The following SCIN variants were observed in gnomAD, a reference collection of about 807,000 sequenced individuals.
SCIN encodes the protein adseverin.
SCIN carries 91 observed loss-of-function variants against 91.8 expected under a neutral mutation model. The observed-to-expected ratio is 0.99, with a 90% confidence interval of 0.84 to 1.18. The LOEUF is 1.18. Ranked by LOEUF, SCIN falls within the 50% of genes most tolerant of loss-of-function variation. SCIN has a pLI of 0.00. For synonymous variants in SCIN, 367 were observed against 312.6 expected (o/e 1.17, Z -1.84); for missense variants, 1,087 against 863.9 (o/e 1.26, Z -3.24).
chr7:12,622,344 A>G (rs962301525), intron 4 of SCIN, among the ~76,000 whole-genome samples: 1 of 152,160 alleles, frequency 6.6e-6, no homozygotes, highest in Non-Finnish European at 1.5e-5. Flanking sequence ...ACTTCATCCT[A>G]TATGTCAATA....
intron 4 of SCIN, 128 bp from the exon 5 acceptor site, chr7:12,622,673 A>C: frequency 3.1e-6 from 2 of 649,748 alleles, no homozygotes. Flanking sequence ...ATTGATGAGA[A>C]GTGTTTGAGC....
chr7:12,593,601 G>C (rs575403470), intron 3 of SCIN, among the ~76,000 whole-genome samples: 21 of 152,208 alleles, frequency 1.4e-4, no homozygotes, highest in Non-Finnish European at 2.4e-4. Flanking sequence ...TTTTTGGAGA[G>C]CTTCTGTAAG....
At chr7:12,610,286 A>C (rs181528657) in intron 4 of SCIN, among the ~76,000 whole-genome samples, 2 of 152,334 alleles carry the variant, frequency 1.3e-5, no homozygotes, top group Non-Finnish European at 2.9e-5. Flanking sequence ...CCCTATGCTG[A>C]TCTGGCTGTC....
chr7:12,600,431 C>G (rs1782934867), intron 3 of SCIN, among the ~76,000 whole-genome samples: 1 of 152,154 alleles, frequency 6.6e-6, no homozygotes, highest in Admixed American at 6.6e-5. Flanking sequence ...GCACCAAAAT[C>G]TCAGAAATCA....
intron 4 of SCIN, among the ~76,000 whole-genome samples, chr7:12,611,873 G>A (rs1005866237): frequency 1.3e-5 from 2 of 151,662 alleles, no homozygotes; most frequent in East Asian, 1.9e-4. Flanking sequence ...GATCATGCCT[G>A]TGAATATCCA....
rs750315373 is a variant in SCIN at position 12,640,326 on chromosome 7, A to G, written c.1411-21A>G. The G allele has an allele frequency of 6.3e-5, 97 of 1,532,820 alleles. No individual in the cohort carries two copies. In the East Asian group the frequency reaches 2.3e-3, roughly 37 times the overall value. The allele number at this position is 1,532,820 out of a possible 1,614,324, so 95.0% of individuals were successfully genotyped here. ...CAGCACTCTTAATTATATTTCTTTT[A>G]TTCCCCCTCTCCCCCATCAGATCCG... On this transcript the variant is annotated intron_variant, in intron 10 of 15. Coordinates refer to ENST00000297029, the MANE Select transcript of SCIN (RefSeq NM_001112706.3).
At chr7:12,581,797 G>A (rs938223774) in intron 3 of SCIN, among the ~76,000 whole-genome samples, 4 of 152,098 alleles carry the variant, frequency 2.6e-5, no homozygotes, top group African/African-American at 9.7e-5. Flanking sequence ...CTAATATCAG[G>A]TATACTTATT....
Position 12,657,572 on chromosome 7 carries a change from ATTTT to A in SCIN, c.*4880_*4883del, listed in dbSNP as rs71030521. On this transcript the variant is annotated 3_prime_UTR_variant, in exon 16 of 16. Transcript: ENST00000297029. Reference sequence around the variant, plus strand: ...TATATATATATATATATATATATATATTTTTTTTTTTTTTTTTTTTTTTTTTGCA... The same window carrying A: ...TATATATATATATATATATATATATATTTTTTTTTTTTTTTTTTTTTTGCA... 90 of 21,918 alleles carry A rather than the reference ATTTT, an allele frequency of 4.1e-3. No homozygotes were observed. Among genetic ancestry groups the A allele is most frequent in the East Asian group, 7.9e-3 (2 of 252 alleles). The allele number at this position is 21,918 out of a possible 1,614,324, so 1.4% of individuals were successfully genotyped here.
intron 4 of SCIN, among the ~76,000 whole-genome samples, chr7:12,610,787 C>G (rs902093864): frequency 3.9e-5 from 6 of 152,110 alleles, no homozygotes; most frequent in Non-Finnish European, 7.4e-5. Flanking sequence ...GAACCAGCCT[C>G]TCGAAAAACA....
chr7:12,652,543 T>G (rs770769068), intron 15 of SCIN, 45 bp from the exon 16 acceptor site: 3 of 1,579,946 alleles, frequency 1.9e-6, no homozygotes, highest in Middle Eastern at 1.7e-4. Flanking sequence ...TACTTTAGTT[T>G]AACCCAAACT....
chr7:12,587,380 T>C (rs11558844), intron 3 of SCIN, among the ~76,000 whole-genome samples: 49,323 of 152,000 alleles, frequency 0.32, 8,927 homozygotes, highest in Middle Eastern at 0.43. Flanking sequence ...GATGTGTGAG[T>C]CTGGTTTGTA....
intron 3 of SCIN, among the ~76,000 whole-genome samples, chr7:12,599,773 GA>G (rs2115244760): frequency 6.6e-6 from 1 of 152,150 alleles, no homozygotes; most frequent in East Asian, 1.9e-4. Context: ...GATGATTAGT[GA>G]AGTTGAGCAT....
At chr7:12,629,605 T>G (rs930591028) in intron 9 of SCIN, among the ~76,000 whole-genome samples, 4 of 152,172 alleles carry the variant, frequency 2.6e-5, no homozygotes, top group African/African-American at 9.7e-5. Context: ...ACTGCAAAGT[T>G]GCAATATGGC....
chr7:12,649,773 C>CA (rs1459839046), intron 14 of SCIN, among the ~76,000 whole-genome samples: 2 of 152,062 alleles, frequency 1.3e-5, no homozygotes, highest in Non-Finnish European at 2.9e-5. Flanking sequence ...CAGTTGTAGG[C>CA]AAAAAACTTT....
chr7:12,640,501 T>C lies in SCIN; in HGVS notation c.1565T>C (p.Ile522Thr). 1 of 1,611,108 alleles carries C rather than the reference T, an allele frequency of 6.2e-7. No homozygotes were observed. The highest frequency in any genetic ancestry group is 8.5e-7 in the Non-Finnish European group (1 of 1,178,680). The change falls in exon 11 of 16, where the codon ATC (isoleucine) becomes ACC (threonine). Residue 522 changes from isoleucine (I) to threonine (T), a missense_variant. By Grantham distance (89) the Ile-to-Thr change is moderately conservative (BLOSUM62 -1). Transcript: ENST00000297029. ...CAAGTCCGGAGAAACCTGGCATCTATCACCAGAATTGTGGAGGTAATGTCA... is the reference window on the plus strand; with the variant it reads ...CAAGTCCGGAGAAACCTGGCATCTACCACCAGAATTGTGGAGGTAATGTCA... ...LFQVRRNLAS[I>T]TRIVEVDVDA... is the part of the protein sequence containing the mutation.
chr7:12,574,519 T>G (rs1782330653), intron 1 of SCIN, among the ~76,000 whole-genome samples: 1 of 152,080 alleles, frequency 6.6e-6, no homozygotes, highest in Admixed American at 6.6e-5. Flanking sequence ...TAGAACTAAA[T>G]GCACACACAC....
chr7:12,625,550 C>T (rs1056122719), intron 6 of SCIN, among the ~76,000 whole-genome samples: 4 of 149,528 alleles, frequency 2.7e-5, no homozygotes, highest in South Asian at 2.1e-4. Context: ...AGGATGGTCT[C>T]GATCTCTTGA....
At chr7:12,586,558 G>A (rs1004245053) in intron 3 of SCIN, among the ~76,000 whole-genome samples, 2 of 152,184 alleles carry the variant, frequency 1.3e-5, no homozygotes, top group African/African-American at 2.4e-5. Context: ...ACTACCATAT[G>A]ATCCAGCAGT....
intron 8 of SCIN, among the ~76,000 whole-genome samples, chr7:12,627,510 C>A (rs540114824): frequency 6.6e-6 from 1 of 152,284 alleles, no homozygotes; most frequent in East Asian, 1.9e-4. Context: ...TCATCGATTC[C>A]TTGAGGACAG....
Sources: allele counts gnomAD v4.1 joint callset (sites outside exome capture counted in the v4.1 genomes callset), GRCh38; gene constraint gnomAD v4.1.1; transcripts MANE v1.5; gene names NCBI Gene and HGNC (gene_info 2026-07-23, HGNC 2026-07-21).